ASIC2: variants seen among roughly 807,000 people sequenced by gnomAD.
ASIC2 encodes the protein acid sensing ion channel subunit 2.
ASIC2 carries 25 observed loss-of-function variants against 57.3 expected under a neutral mutation model. That is an observed-to-expected ratio of 0.44 (90% CI 0.32 to 0.61). ASIC2 has a LOEUF of 0.61. Among genes scored for constraint, ASIC2 ranks in the 20% least tolerant of loss-of-function variants. ASIC2 has a pLI of 0.06. For missense variants in ASIC2, 641 were observed against 738.1 expected, an observed-to-expected ratio of 0.87 and a Z score of 1.52; for synonymous variants, 319 against 307.5, an observed-to-expected ratio of 1.04 and a Z score of -0.39.
chr17:33,713,785 T>C (rs542622532), intron 1 of ASIC2, among the ~76,000 whole-genome samples: 4 of 152,268 alleles, frequency 2.6e-5, no homozygotes, highest in Non-Finnish European at 5.9e-5. Context: ...GGATTTTTAA[T>C]AGCAAAGTAG....
At chr17:33,066,052 T>C (rs1190160869) in intron 3 of ASIC2, among the ~76,000 whole-genome samples, 1 of 152,102 alleles carries the variant, frequency 6.6e-6, no homozygotes, top group African/African-American at 2.4e-5. Context: ...CTTCCCACCA[T>C]GGCGGGACAC....
intron 1 of ASIC2, among the ~76,000 whole-genome samples, chr17:33,298,566 A>G (rs899233284): frequency 2.0e-5 from 3 of 152,176 alleles, no homozygotes; most frequent in Non-Finnish European, 2.9e-5. Flanking sequence ...ATACGTGTGC[A>G]TGTGTCTTTA....
At chr17:33,598,682 C>T (rs1179834019) in intron 1 of ASIC2, among the ~76,000 whole-genome samples, 2 of 152,196 alleles carry the variant, frequency 1.3e-5, no homozygotes, top group African/African-American at 4.8e-5. Context: ...GACTTTGCAT[C>T]TTTTCTTGCA....
chr17:33,522,409 C>T (rs1291548099), intron 1 of ASIC2, among the ~76,000 whole-genome samples: 1 of 152,214 alleles, frequency 6.6e-6, no homozygotes, highest in Non-Finnish European at 1.5e-5. Flanking sequence ...GGCTGAGGCC[C>T]ACCTGTGGGG....
chr17:33,090,371 G>T (rs1477013162), intron 2 of ASIC2, among the ~76,000 whole-genome samples: 2 of 152,178 alleles, frequency 1.3e-5, no homozygotes, highest in East Asian at 3.9e-4. Flanking sequence ...CAAGTTCTGG[G>T]CTGTCTCTCT....
At chr17:33,237,742 G>A (rs1908350633) in intron 1 of ASIC2, among the ~76,000 whole-genome samples, 1 of 152,224 alleles carries the variant, frequency 6.6e-6, no homozygotes, top group Non-Finnish European at 1.5e-5. Context: ...ATTAAACGAG[G>A]TATGCAAGTG....
intron 1 of ASIC2, among the ~76,000 whole-genome samples, chr17:33,281,239 G>C (rs1904933749): frequency 6.6e-6 from 1 of 152,200 alleles, no homozygotes; most frequent in African/African-American, 2.4e-5. Context: ...AGAGAGGTGT[G>C]ATATGAAAAT....
intron 1 of ASIC2, among the ~76,000 whole-genome samples, chr17:33,818,884 A>G (rs551748274): frequency 6.6e-6 from 1 of 152,192 alleles, no homozygotes; most frequent in South Asian, 2.1e-4. Context: ...ACAACAATTA[A>G]AATTGGGCAT....
At chr17:33,272,672 A>G (rs1054233921) in intron 1 of ASIC2, among the ~76,000 whole-genome samples, 2 of 152,116 alleles carry the variant, frequency 1.3e-5, no homozygotes, top group Non-Finnish European at 2.9e-5. Flanking sequence ...TATCACCAAC[A>G]TTGTCATCAC....
intron 1 of ASIC2, among the ~76,000 whole-genome samples, chr17:33,964,961 C>T (rs963431412): frequency 1.3e-5 from 2 of 152,164 alleles, no homozygotes; most frequent in African/African-American, 4.8e-5. Context: ...GGACAAAGTG[C>T]TCACGGACCT....
At chr17:33,467,179 G>A (rs189283161) in intron 1 of ASIC2, among the ~76,000 whole-genome samples, 8 of 152,286 alleles carry the variant, frequency 5.3e-5, no homozygotes, top group Admixed American at 3.3e-4. Flanking sequence ...GAGCTCAAGC[G>A]ATTTGCCTGC....
intron 1 of ASIC2, among the ~76,000 whole-genome samples, chr17:33,645,692 T>A (rs1055466826): frequency 1.3e-5 from 2 of 152,110 alleles, no homozygotes; most frequent in African/African-American, 4.8e-5. Flanking sequence ...AAAGGGCCAG[T>A]TTCTGTTGAG....
intron 1 of ASIC2, among the ~76,000 whole-genome samples, chr17:33,817,431 TA>T (rs1373911698): frequency 3.9e-5 from 6 of 152,214 alleles, no homozygotes; most frequent in Admixed American, 3.3e-4. Flanking sequence ...TCTGTGTCTC[TA>T]ACCTGCTCAC....
intron 1 of ASIC2, among the ~76,000 whole-genome samples, chr17:33,305,011 A>C (rs1308175529): frequency 2.6e-5 from 4 of 152,130 alleles, no homozygotes; most frequent in African/African-American, 7.2e-5. Flanking sequence ...GTTGAGCGGC[A>C]GTATAAGGAG....
intron 1 of ASIC2, among the ~76,000 whole-genome samples, chr17:33,588,269 T>C (rs1423726652): frequency 6.6e-6 from 1 of 152,198 alleles, no homozygotes; most frequent in East Asian, 1.9e-4. Context: ...ATCATGGAAA[T>C]AGCACAGAAT....
At chr17:33,713,207 T>A (rs1442072898) in intron 1 of ASIC2, among the ~76,000 whole-genome samples, 1 of 152,196 alleles carries the variant, frequency 6.6e-6, no homozygotes, top group Non-Finnish European at 1.5e-5. Context: ...GGCTGGTTTC[T>A]GGGGGCCATC....
intron 1 of ASIC2, among the ~76,000 whole-genome samples, chr17:33,939,752 T>C (rs1916145089): frequency 6.6e-6 from 1 of 152,220 alleles, no homozygotes; most frequent in Non-Finnish European, 1.5e-5. Flanking sequence ...CATTCACTGT[T>C]GCCCACGGCA....
intron 1 of ASIC2, among the ~76,000 whole-genome samples, chr17:33,386,554 A>G (rs117264368): frequency 7.8e-4 from 119 of 152,226 alleles, no homozygotes; most frequent in Non-Finnish European, 1.4e-3. Context: ...TTCTCCCTCA[A>G]TGACTTTACT....
At chr17:33,250,798 T>C (rs2142131562) in intron 1 of ASIC2, among the ~76,000 whole-genome samples, 1 of 152,292 alleles carries the variant, frequency 6.6e-6, no homozygotes, top group Admixed American at 6.5e-5. Flanking sequence ...GGACCCTCTA[T>C]GGAACCCTAC....
Sources: allele counts gnomAD v4.1 joint callset (sites outside exome capture counted in the v4.1 genomes callset), GRCh38; gene constraint gnomAD v4.1.1; transcripts MANE v1.5; gene names NCBI Gene and HGNC (gene_info 2026-07-23, HGNC 2026-07-21).